The following SHROOM3 variants were observed in gnomAD, a reference collection of about 807,000 sequenced individuals.
SHROOM3 encodes the protein protein Shroom3.
Under a neutral mutation model 138.6 loss-of-function variants are expected in SHROOM3, and 47 were observed. The observed-to-expected ratio is 0.34, with a 90% CI of 0.27 to 0.43. The LOEUF is 0.43. Among genes scored for constraint, SHROOM3 ranks in the 20% least tolerant of loss-of-function variants. The pLI is 1.00. For missense variants in SHROOM3, 2,491 were observed against 2,596.5 expected (o/e 0.96, Z 0.88); for synonymous variants, 1,062 against 1,063.3 (o/e 1.00, Z 0.02).
At chr4:76,750,343 C>T (rs1721580100) in intron 6 of SHROOM3, among the ~76,000 whole-genome samples, 1 of 152,110 alleles carries the variant, frequency 6.6e-6, no homozygotes, top group Admixed American at 6.5e-5. Flanking sequence ...AAAAAAAGAA[C>T]AAGATCATGT....
chr4:76,625,272 C>T (rs10049806), intron 2 of SHROOM3, among the ~76,000 whole-genome samples: 29,884 of 152,056 alleles, frequency 0.2, 3,199 homozygotes, highest in East Asian at 0.37. Context: ...AAACTATAGG[C>T]CTTAAATATT....
At chr4:76,596,300 T>C (rs1020507086) in intron 2 of SHROOM3, among the ~76,000 whole-genome samples, 3 of 152,148 alleles carry the variant, frequency 2.0e-5, no homozygotes, top group African/African-American at 7.2e-5. Flanking sequence ...TGATCCCAGC[T>C]ACTTGGGAGT....
chr4:76,655,394 T>C (rs1274292049), intron 2 of SHROOM3, among the ~76,000 whole-genome samples: 3 of 152,210 alleles, frequency 2.0e-5, no homozygotes, highest in Non-Finnish European at 2.9e-5. Context: ...AGCATCACCA[T>C]TACATTCTGG....
chr4:76,619,834 G>T (rs1446095127), intron 2 of SHROOM3, among the ~76,000 whole-genome samples: 1 of 152,118 alleles, frequency 6.6e-6, no homozygotes, highest in African/African-American at 2.4e-5. Flanking sequence ...GGCCGAGGCG[G>T]GTGGATCACC....
intron 1 of SHROOM3, among the ~76,000 whole-genome samples, chr4:76,491,436 C>T (rs986078948): frequency 2.0e-5 from 3 of 152,210 alleles, no homozygotes; most frequent in African/African-American, 4.8e-5. Flanking sequence ...AAGCTTAAAA[C>T]GCTGGATGCT....
chr4:76,604,116 T>C (rs1028306424), intron 2 of SHROOM3, among the ~76,000 whole-genome samples: 1 of 152,136 alleles, frequency 6.6e-6, no homozygotes, highest in African/African-American at 2.4e-5. Flanking sequence ...TGAGCCACTG[T>C]GCCCGACTGC....
chr4:76,567,300 C>T (rs1411140010), intron 2 of SHROOM3, among the ~76,000 whole-genome samples: 3 of 151,956 alleles, frequency 2.0e-5, no homozygotes, highest in African/African-American at 4.8e-5. Context: ...TTTGGGAGAC[C>T]GAGGTGGGTG....
In SHROOM3 at chr4:76,519,405, A is replaced by G. The variant is rs61580847; in HGVS notation, c.169-36204A>G. ...ATCAATTCTGTAAATTTTGGTAAAC[A>G]GAAAAAAGCAGAAGAAATAGACAAA... On this transcript the variant is annotated intron_variant, in intron 1 of 10. Coordinates refer to ENST00000296043, the MANE Select transcript of SHROOM3 (RefSeq NM_020859.4). Among the ~76,000 whole-genome samples the G allele has an allele frequency of 7.1e-3, 1,083 of 152,344 alleles. 19 individuals carry two copies. Among genetic ancestry groups the G allele is most frequent in the African/African-American group, 0.025 (1,021 of 41,590 alleles).
intron 2 of SHROOM3, among the ~76,000 whole-genome samples, chr4:76,619,710 G>A (rs1734955484): frequency 6.6e-6 from 1 of 152,086 alleles, no homozygotes; most frequent in African/African-American, 2.4e-5. Context: ...TTTGAATTAG[G>A]GGATTGTAGT....
Position 76,555,708 on chromosome 4 carries a change from G to C in SHROOM3, c.268G>C (p.Glu90Gln). 1 of 1,614,014 alleles carries C rather than the reference G, an allele frequency of 6.2e-7. No individual in the cohort carries two copies. The change falls in exon 2 of 11, where the codon GAG (glutamate) becomes CAG (glutamine). Residue 90 changes from glutamate to glutamine, a missense_variant. Physicochemically the swap from Glu to Gln is conservative, Grantham distance 29. Coordinates refer to ENST00000296043, the MANE Select transcript of SHROOM3 (RefSeq NM_020859.4). ...NEVTLSSSRK[E>Q]AVSLVKGSYK... ...GGTGACTCTGAGCAGCTCCAGAAAGGAGGCAGTTTCCCTGGTGAAAGGATC... is the reference window on the plus strand; with the variant it reads ...GGTGACTCTGAGCAGCTCCAGAAAGCAGGCAGTTTCCCTGGTGAAAGGATC...
At chr4:76,738,347 T>C (rs1013707388) in intron 4 of SHROOM3, among the ~76,000 whole-genome samples, 1 of 152,206 alleles carries the variant, frequency 6.6e-6, no homozygotes, top group Non-Finnish European at 1.5e-5. Context: ...TATTCTCTTA[T>C]TAACTTTTTC....
intron 3 of SHROOM3, among the ~76,000 whole-genome samples, chr4:76,716,954 G>A (rs1210335558): frequency 6.6e-6 from 1 of 152,054 alleles, no homozygotes; most frequent in Non-Finnish European, 1.5e-5. Flanking sequence ...CTAAGTTTCT[G>A]ATCTATATCA....
chr4:76,621,809 G>A (rs1577925183), intron 2 of SHROOM3, among the ~76,000 whole-genome samples: 1 of 151,060 alleles, frequency 6.6e-6, no homozygotes, highest in Non-Finnish European at 1.5e-5. Context: ...TTTTCTTTAG[G>A]TCTGAGACAG....
At chr4:76,442,666 C>T (rs1189212290) in intron 1 of SHROOM3, among the ~76,000 whole-genome samples, 1 of 152,090 alleles carries the variant, frequency 6.6e-6, no homozygotes, top group Non-Finnish European at 1.5e-5. Flanking sequence ...ACCTCGGCCT[C>T]CCAAAGTGCT....
rs540180915 is a variant in SHROOM3, at chr4:76,773,488, G to A, written c.5622+2590G>A. 2.1e-3 allele frequency among the ~76,000 whole-genome samples: 320 copies of A among 152,226 alleles called. 3 individuals carry two copies. The highest frequency in any genetic ancestry group is 3.8e-3 in the Non-Finnish European group (257 of 68,010). On this transcript the variant is annotated intron_variant, in intron 10 of 10. Transcript: ENST00000296043. ...AGAAGGTGTGGGAAGGATTAAGGGG[G>A]AAACCAGGAAGGGGTAATGAGGGCT...
At chr4:76,724,368 T>C (rs946567962) in intron 3 of SHROOM3, among the ~76,000 whole-genome samples, 1 of 152,216 alleles carries the variant, frequency 6.6e-6, no homozygotes, top group African/African-American at 2.4e-5. Context: ...CCATGCTCTT[T>C]AGGAATGCTT....
intron 1 of SHROOM3, among the ~76,000 whole-genome samples, chr4:76,439,571 C>G (rs934143784): frequency 1.3e-5 from 2 of 152,062 alleles, no homozygotes; most frequent in Admixed American, 6.6e-5. Context: ...TAGATCTTCT[C>G]TCTAAGACAA....
intron 1 of SHROOM3, among the ~76,000 whole-genome samples, chr4:76,504,728 T>G (rs959578239): frequency 6.6e-6 from 1 of 152,162 alleles, no homozygotes; most frequent in African/African-American, 2.4e-5. Flanking sequence ...TCCTTCACTT[T>G]CTCCTAATTG....
chr4:76,464,347 A>T (rs1003669698), intron 1 of SHROOM3, among the ~76,000 whole-genome samples: 2 of 151,940 alleles, frequency 1.3e-5, no homozygotes, highest in African/African-American at 4.8e-5. Flanking sequence ...CAATTTCTCC[A>T]ATTTGGAAAG....
Sources: allele counts gnomAD v4.1 joint callset (sites outside exome capture counted in the v4.1 genomes callset), GRCh38; gene constraint gnomAD v4.1.1; transcripts MANE v1.5; gene names NCBI Gene and HGNC (gene_info 2026-07-23, HGNC 2026-07-21).